The following SGCD variants were observed in gnomAD, a reference collection of about 807,000 sequenced individuals.
The protein encoded by SGCD is sarcoglycan delta.
Under a neutral mutation model 36.6 loss-of-function variants are expected in SGCD, and 18 were observed. The ratio of observed to expected loss-of-function variants is 0.49; its 90% CI spans 0.34 to 0.73. The LOEUF is 0.73. Ranked by LOEUF, SGCD falls within the 30% of genes least tolerant of loss-of-function variation. The probability of loss-of-function intolerance (pLI) is 0.01; values close to 1 mark genes in which losing one functional copy is unlikely to be tolerated. For synonymous variants in SGCD, 133 were observed against 130.6 expected (o/e 1.02, Z -0.12); for missense variants, 387 against 346.7 (o/e 1.12, Z -0.92).
intron 6 of SGCD, among the ~76,000 whole-genome samples, chr5:156,627,634 T>A (rs1195849899): frequency 6.6e-6 from 1 of 152,162 alleles, no homozygotes; most frequent in African/African-American, 2.4e-5. Context: ...TGATGCCCAC[T>A]TTATAGGTAC....
Position 156,488,671 on chromosome 5 carries a change from A to G in SGCD, c.193-19930A>G, listed in dbSNP as rs180784630. ...TGCTTAAAGGAGTCTTACATCTGGA[A>G]GCCAGAACATGATATCTACCATCAT... On this transcript the variant is annotated intron_variant, in intron 3 of 8. Transcript: ENST00000337851. 1.2e-3 allele frequency among the ~76,000 whole-genome samples: 186 copies of G among 152,314 alleles called. 1 individual carries two copies. The highest frequency in any genetic ancestry group is 4.3e-3 in the African/African-American group (178 of 41,588).
At chr5:156,727,125 C>A (rs1400452221) in intron 7 of SGCD, among the ~76,000 whole-genome samples, 1 of 152,160 alleles carries the variant, frequency 6.6e-6, no homozygotes, top group African/African-American at 2.4e-5. Context: ...GGGCTCAACT[C>A]TAAACACTGC....
At chr5:156,185,806 T>TAAA (rs1218553941) in intron 3 of SGCD, among the ~76,000 whole-genome samples, 1 of 130,082 alleles carries the variant, frequency 7.7e-6, no homozygotes, top group Non-Finnish European at 1.7e-5. Flanking sequence ...TACAAACTTA[T>TAAA]AAATATGGCC....
At chr5:156,568,361 A>G (rs1419167724) in intron 4 of SGCD, among the ~76,000 whole-genome samples, 2 of 152,220 alleles carry the variant, frequency 1.3e-5, no homozygotes, top group African/African-American at 4.8e-5. Flanking sequence ...AGCCTGGGCA[A>G]CAAAGCAAGA....
chr5:156,366,965 A>T (rs76524654), intron 3 of SGCD, among the ~76,000 whole-genome samples: 1 of 152,200 alleles, frequency 6.6e-6, no homozygotes, highest in African/African-American at 2.4e-5. Context: ...GAAATCTAAG[A>T]TGCTTTCTCA....
At chr5:156,306,139 A>T (rs1767205560) in intron 3 of SGCD, among the ~76,000 whole-genome samples, 1 of 152,004 alleles carries the variant, frequency 6.6e-6, no homozygotes. Flanking sequence ...AAATGTGAGA[A>T]CATTATATTT....
At chr5:156,522,959 G>T (rs868487675) in intron 4 of SGCD, among the ~76,000 whole-genome samples, 10 of 152,054 alleles carry the variant, frequency 6.6e-5, no homozygotes, top group Non-Finnish European at 1.3e-4. Flanking sequence ...TTTTGATTCT[G>T]TCATTTCTTT....
the SGCD span, among the ~76,000 whole-genome samples, chr5:155,810,425 T>TC: frequency 0.017 from 2,645 of 152,292 alleles, 85 homozygotes; most frequent in African/African-American, 0.059. Flanking sequence ...GTATGTTATT[T>TC]AATGTTTTTA....
chr5:155,971,132 G>A (rs1456034508), intron 1 of SGCD, among the ~76,000 whole-genome samples: 1 of 152,126 alleles, frequency 6.6e-6, no homozygotes, highest in Non-Finnish European at 1.5e-5. Flanking sequence ...ACCATCTGTG[G>A]TCACCCCTGG....
chr5:155,915,244 T>G (rs539745816), intron 1 of SGCD, among the ~76,000 whole-genome samples: 2 of 152,312 alleles, frequency 1.3e-5, no homozygotes, highest in Admixed American at 1.3e-4. Context: ...TTTTTATTCC[T>G]CAGATGTACT....
intron 1 of SGCD, among the ~76,000 whole-genome samples, chr5:155,960,114 C>T (rs1245173518): frequency 6.6e-6 from 1 of 151,988 alleles, no homozygotes; most frequent in Non-Finnish European, 1.5e-5. Context: ...ACTTTGTCTT[C>T]TCCTCCCTCC....
intron 1 of SGCD, among the ~76,000 whole-genome samples, chr5:156,054,288 T>TC (rs1361816957): frequency 7.5e-6 from 1 of 133,096 alleles, no homozygotes; most frequent in African/African-American, 2.6e-5. Flanking sequence ...TTCCTTCTTT[T>TC]TTTTTTTTTT....
chr5:156,137,010 AG>A (rs34852627), intron 3 of SGCD, among the ~76,000 whole-genome samples: 12,530 of 152,286 alleles, frequency 0.082, 557 homozygotes, highest in South Asian at 0.11. Context: ...GGAGGAAAGG[AG>A]CAAAAGTTGA....
At chr5:156,464,479 C>T (rs547592370) in intron 3 of SGCD, among the ~76,000 whole-genome samples, 2 of 152,244 alleles carry the variant, frequency 1.3e-5, no homozygotes, top group South Asian at 4.1e-4. Context: ...TTTGGCCTCC[C>T]AAAGTGCTGG....
intron 4 of SGCD, among the ~76,000 whole-genome samples, chr5:156,515,981 A>G (rs1408223191): frequency 1.3e-5 from 2 of 152,346 alleles, no homozygotes; most frequent in East Asian, 3.9e-4. Context: ...TGGGAATTTC[A>G]GCAACTGCAG....
intron 4 of SGCD, among the ~76,000 whole-genome samples, chr5:156,557,801 T>A (rs193208190): frequency 4.4e-4 from 67 of 152,142 alleles, no homozygotes; most frequent in Middle Eastern, 6.8e-3. Context: ...CCTGTCCTCC[T>A]CTTATATTGT....
chr5:156,093,809 G>C (rs1174967682), intron 1 of SGCD, among the ~76,000 whole-genome samples: 1 of 152,120 alleles, frequency 6.6e-6, no homozygotes, highest in Non-Finnish European at 1.5e-5. Context: ...TGGGCTGATG[G>C]GTGGCAAAAA....
chr5:156,015,438 A>G (rs934814205), intron 1 of SGCD, among the ~76,000 whole-genome samples: 2 of 152,058 alleles, frequency 1.3e-5, no homozygotes, highest in Non-Finnish European at 2.9e-5. Flanking sequence ...TTCCAGCTCC[A>G]GAAGCATATA....
At chr5:156,412,605 A>G (rs1772819830) in intron 3 of SGCD, among the ~76,000 whole-genome samples, 2 of 152,344 alleles carry the variant, frequency 1.3e-5, no homozygotes, top group African/African-American at 4.8e-5. Flanking sequence ...TGTAACAAAC[A>G]TAGGTGCCAG....
Sources: allele counts gnomAD v4.1 joint callset (sites outside exome capture counted in the v4.1 genomes callset), GRCh38; gene constraint gnomAD v4.1.1; transcripts MANE v1.5; gene names NCBI Gene and HGNC (gene_info 2026-07-23, HGNC 2026-07-21).